The following BICC1 variants were observed in gnomAD, a reference collection of about 807,000 sequenced individuals.
The protein encoded by BICC1 is BicC family RNA binding protein 1.
BICC1 carries 43 observed loss-of-function variants against 111.0 expected under a neutral mutation model. The ratio of observed to expected loss-of-function variants is 0.39; its 90% CI spans 0.30 to 0.50. BICC1 has a LOEUF of 0.50. Ranked by LOEUF, BICC1 falls within the 20% of genes least tolerant of loss-of-function variation. The pLI is 0.88. For missense variants in BICC1, 1,091 were observed against 1,203.2 expected (o/e 0.91, Z 1.38); for synonymous variants, 467 against 434.4 (o/e 1.07, Z -0.93).
rs377287127 is a variant in BICC1, at chr10:58,677,427, T to A, written c.238-24647T>A. 2.0e-5 allele frequency among the ~76,000 whole-genome samples: 3 copies of A among 152,240 alleles called. No homozygotes were observed. The East Asian group carries it at 5.8e-4, about 29-fold the overall frequency. ...GCATATACAAGTATCAAGAACCAAA[T>A]TGATCAGTTGGAAGAAAGGATATCG... On this transcript the variant is annotated intron_variant, in intron 2 of 20. Transcript: ENST00000373886.
chr10:58,634,269 G>A (rs1380638141), intron 2 of BICC1, among the ~76,000 whole-genome samples: 2 of 152,140 alleles, frequency 1.3e-5, no homozygotes, highest in African/African-American at 4.8e-5. Flanking sequence ...TGGGATTACA[G>A]GTGTGAGCCA....
chr10:58,550,521 T>G (rs1253731271), intron 1 of BICC1, among the ~76,000 whole-genome samples: 1 of 152,218 alleles, frequency 6.6e-6, no homozygotes, highest in East Asian at 1.9e-4. Context: ...CCCAAGGTCA[T>G]GTAGATTTTC....
intron 1 of BICC1, among the ~76,000 whole-genome samples, chr10:58,515,610 A>G (rs1036891646): frequency 6.6e-6 from 1 of 152,168 alleles, no homozygotes; most frequent in Non-Finnish European, 1.5e-5. Context: ...GGACCATTGT[A>G]GTGTATGTGG....
intron 17 of BICC1, among the ~76,000 whole-genome samples, chr10:58,811,653 G>T (rs1843908594): frequency 6.6e-6 from 1 of 152,084 alleles, no homozygotes; most frequent in African/African-American, 2.4e-5. Flanking sequence ...TGAATACAAG[G>T]TTCTTACTTT....
intron 2 of BICC1, among the ~76,000 whole-genome samples, chr10:58,657,320 C>T (rs1838690442): frequency 6.6e-6 from 1 of 152,146 alleles, no homozygotes; most frequent in Non-Finnish European, 1.5e-5. Flanking sequence ...GCATGCATCA[C>T]TGCTCTGCAT....
intron 3 of BICC1, chr10:58,715,743 A>G: frequency 5.9e-6 from 9 of 1,537,642 alleles, no homozygotes; most frequent in Non-Finnish European, 8.1e-6. Flanking sequence ...ATTTGAAGAA[A>G]AAATGAATGA....
chr10:58,747,373 T>G (rs915110775), intron 3 of BICC1, among the ~76,000 whole-genome samples: 4 of 152,170 alleles, frequency 2.6e-5, no homozygotes, highest in African/African-American at 9.6e-5. Flanking sequence ...AAATGAACTT[T>G]AAGACCAACT....
At chr10:58,766,129 C>T (rs1330932750) in intron 3 of BICC1, among the ~76,000 whole-genome samples, 1 of 152,136 alleles carries the variant, frequency 6.6e-6, no homozygotes, top group East Asian at 1.9e-4. Context: ...TAGTTTCTGG[C>T]AGGACAGTGG....
intron 2 of BICC1, among the ~76,000 whole-genome samples, chr10:58,669,447 C>G (rs1471205283): frequency 1.3e-5 from 2 of 152,002 alleles, no homozygotes; most frequent in African/African-American, 2.4e-5. Flanking sequence ...CAATTTGACC[C>G]TTATATTTTG....
chr10:58,518,748 G>T (rs944675309), intron 1 of BICC1, among the ~76,000 whole-genome samples: 2 of 152,040 alleles, frequency 1.3e-5, no homozygotes, highest in African/African-American at 4.8e-5. Context: ...GTATAGCTTG[G>T]CAGTAAAGAG....
At chr10:58,528,787 C>G (rs1051747241) in intron 1 of BICC1, among the ~76,000 whole-genome samples, 2 of 151,924 alleles carry the variant, frequency 1.3e-5, no homozygotes, top group African/African-American at 4.8e-5. Flanking sequence ...TATTCCGGGT[C>G]TTCTGCACAG....
At chr10:58,530,715 G>C (rs1842661556) in intron 1 of BICC1, among the ~76,000 whole-genome samples, 1 of 150,696 alleles carries the variant, frequency 6.6e-6, no homozygotes, top group African/African-American at 2.4e-5. Flanking sequence ...AATCAGAAAG[G>C]GAGAGGCGGA....
chr10:58,785,890 C>T (rs967402161), intron 4 of BICC1, among the ~76,000 whole-genome samples: 3 of 152,076 alleles, frequency 2.0e-5, no homozygotes, highest in Admixed American at 6.6e-5. Context: ...TCCCTCTGAT[C>T]GCTTTCTTGT....
At chr10:58,695,457 A>C (rs1420904976) in intron 2 of BICC1, among the ~76,000 whole-genome samples, 2 of 152,206 alleles carry the variant, frequency 1.3e-5, no homozygotes, top group Admixed American at 6.5e-5. Flanking sequence ...AACAGGCTGC[A>C]GATGGCTCCC....
chr10:58,807,765 C>T (rs1273005439), intron 17 of BICC1, among the ~76,000 whole-genome samples: 1 of 152,132 alleles, frequency 6.6e-6, no homozygotes, highest in Non-Finnish European at 1.5e-5. Context: ...CGCGATTCAC[C>T]AAGCAGGCCT....
chr10:58,824,307 A>G (rs777692816), intron 20 of BICC1, among the ~76,000 whole-genome samples: 1 of 152,182 alleles, frequency 6.6e-6, no homozygotes, highest in African/African-American at 2.4e-5. Flanking sequence ...GAATGGTAAT[A>G]TTATCTATCC....
At chr10:58,526,351 A>T (rs1842541860) in intron 1 of BICC1, among the ~76,000 whole-genome samples, 1 of 151,736 alleles carries the variant, frequency 6.6e-6, no homozygotes, top group Non-Finnish European at 1.5e-5. Context: ...TGAGTTTAGG[A>T]TGACAAACCA....
chr10:58,699,006 A>G (rs545435643), intron 2 of BICC1, among the ~76,000 whole-genome samples: 2 of 152,224 alleles, frequency 1.3e-5, no homozygotes, highest in Non-Finnish European at 2.9e-5. Context: ...AGCTTCATGA[A>G]TGATCCAAAG....
At chr10:58,687,842 G>A (rs774324654) in intron 2 of BICC1, among the ~76,000 whole-genome samples, 8 of 152,138 alleles carry the variant, frequency 5.3e-5, no homozygotes, top group Admixed American at 6.5e-5. Flanking sequence ...GCCCCACTCT[G>A]GTCCGTGGGC....
Sources: gnomAD v4.1 joint callset for allele counts (sites outside exome capture counted in the v4.1 genomes callset) on GRCh38, gnomAD v4.1.1 for gene constraint, MANE v1.5 for transcripts, NCBI Gene and HGNC (gene_info 2026-07-23, HGNC 2026-07-21) for gene names.